The following ZNF439 variants were observed in gnomAD, a reference collection of about 807,000 sequenced individuals.
The protein encoded by ZNF439 is zinc finger protein 439.
A neutral mutation model predicts 47.3 loss-of-function variants in ZNF439; 40 were observed. The ratio of observed to expected loss-of-function variants is 0.85; its 90% confidence interval spans 0.66 to 1.10. The LOEUF is 1.10. ZNF439 is among the 50% of genes least tolerant of loss of function. The pLI, the probability that ZNF439 is intolerant of heterozygous loss-of-function variation, is 0.00. For missense variants in ZNF439, 556 were observed against 601.1 expected (o/e 0.93, Z 0.78); for synonymous variants, 171 against 198.8 (o/e 0.86, Z 1.18).
chr19:11,856,222 T>G (rs1976382549), intron 1 of ZNF439: 1 of 152,176 alleles, frequency 6.6e-6, no homozygotes, highest in African/African-American at 2.4e-5. Context: ...TAAATGTAAT[T>G]TTATTTGAGG....
At position 11,848,759 on chromosome 19, in the gene ZNF439, C is replaced by G; in HGVS notation, c.-109C>G. On this transcript the variant is annotated 5_prime_UTR_variant, in exon 1 of 4. Coordinates refer to ENST00000682736, the MANE Select transcript of ZNF439 (RefSeq NM_001348719.2). ...TCCAGGCACGGAGGATGTTGCATTC[C>G]TGCCGTCACCTTTGTCGCTGCGAGG... The G allele has an allele frequency of 7.8e-7, 1 of 1,279,600 alleles. No homozygotes were observed. Among genetic ancestry groups the G allele is most frequent in the South Asian group, 1.4e-5 (1 of 71,734 alleles). The allele number at this position is 1,279,600 out of a possible 1,614,324, so 79.3% of individuals were successfully genotyped here.
chr19:11,861,705 G>A (rs1381145115), intron 1 of ZNF439, among the ~76,000 whole-genome samples: 1 of 152,182 alleles, frequency 6.6e-6, no homozygotes. Context: ...ACTTCAACAG[G>A]GTGGAACAAT....
At chr19:11,855,027 C>T (rs1332422247) in intron 1 of ZNF439, among the ~76,000 whole-genome samples, 1 of 152,200 alleles carries the variant, frequency 6.6e-6, no homozygotes, top group East Asian at 1.9e-4. Flanking sequence ...TGCTGCCTTC[C>T]ATAACGTCTT....
chr19:11,866,470 A>C, intron 2 of ZNF439, 67 bp from the exon 3 acceptor site: 1 of 1,603,264 alleles, frequency 6.2e-7, no homozygotes, highest in East Asian at 2.2e-5. Context: ...AATCATGGGC[A>C]TAGGTCTAAT....
In ZNF439 at chr19:11,867,228, T is replaced by C. The variant is rs916014963; in HGVS notation, c.252-78T>C. On this transcript the variant is annotated intron_variant, in intron 3 of 3. Transcript: ENST00000682736. ...ACACTTTGATGGAGAGTGTTAAAAA[T>C]GCAAGTACAATACTTGCTGATTAAT... 4 of 1,487,132 alleles carry C rather than the reference T, an allele frequency of 2.7e-6. No homozygotes were observed. The African/African-American group carries it at 5.7e-5, about 21-fold the overall frequency. The allele number at this position is 1,487,132 out of a possible 1,614,324, so 92.1% of individuals were successfully genotyped here.
chr19:11,858,428 T>A (rs933353669), intron 1 of ZNF439: 2 of 145,896 alleles, frequency 1.4e-5, no homozygotes, highest in Non-Finnish European at 3.0e-5. Context: ...ATCGCACCAC[T>A]GCACTCCAGC....
At chr19:11,861,383 G>T (rs955403050) in intron 1 of ZNF439, among the ~76,000 whole-genome samples, 6 of 152,148 alleles carry the variant, frequency 3.9e-5, no homozygotes, top group African/African-American at 1.4e-4. Flanking sequence ...ACTGCCTCGG[G>T]CTGACTCAAG....
intron 1 of ZNF439, among the ~76,000 whole-genome samples, chr19:11,854,054 A>G (rs542520252): frequency 9.9e-5 from 15 of 152,214 alleles, no homozygotes; most frequent in Non-Finnish European, 1.8e-4. Context: ...TTACACAAAT[A>G]TGAGTGGCAT....
In ZNF439 at chr19:11,867,491, G is replaced by T. The variant is rs758112378; in HGVS notation, c.437G>T (p.Gly146Val). The T allele has an allele frequency of 5.0e-6, 8 of 1,614,108 alleles. No individual in the cohort carries two copies. Among genetic ancestry groups the T allele is most frequent in the Non-Finnish European group, 6.8e-6 (8 of 1,180,020 alleles). Reference sequence around the variant, plus strand: ...TCATCTTCTAATATGAACATCAGAGGTGACACTGGACACAAGGCATGTGAA... The same window carrying T: ...TCATCTTCTAATATGAACATCAGAGTTGACACTGGACACAAGGCATGTGAA... ...GNSSSNMNIR[G>V]DTGHKACECQ... is the part of the protein sequence containing the mutation. Residue 146 changes from glycine (G) to valine (V), a missense_variant, in exon 4 of 4, where the codon GGT (glycine) becomes GTT (valine). By Grantham distance (109) the Gly-to-Val change is moderately radical (BLOSUM62 -3). Transcript: ENST00000682736.
At position 11,868,622 on chromosome 19, in the gene ZNF439, G is replaced by GA; in HGVS notation, c.*59dup. ...TTCTGCCAAGTTATTTCAAACACATGAAAAAATTCACACTGGAGAGAAACC... is the reference window on the plus strand; with the variant it reads ...TTCTGCCAAGTTATTTCAAACACATGAAAAAAATTCACACTGGAGAGAAACC... On this transcript the variant is annotated 3_prime_UTR_variant, in exon 4 of 4. Coordinates refer to ENST00000682736, the MANE Select transcript of ZNF439 (RefSeq NM_001348719.2). The GA allele has an allele frequency of 6.4e-7, 1 of 1,552,828 alleles. No individual in the cohort carries two copies. Among genetic ancestry groups the GA allele is most frequent in the Non-Finnish European group, 8.7e-7 (1 of 1,145,472 alleles).
intron 1 of ZNF439, among the ~76,000 whole-genome samples, chr19:11,864,806 T>G (rs1165512516): frequency 1.3e-5 from 2 of 152,126 alleles, no homozygotes; most frequent in Admixed American, 6.5e-5. Flanking sequence ...TTTCTTTTTT[T>G]TTTTTGAGAT....
At chr19:11,862,409 ACTC>A (rs1976562464) in intron 1 of ZNF439, among the ~76,000 whole-genome samples, 1 of 148,932 alleles carries the variant, frequency 6.7e-6, no homozygotes, top group African/African-American at 2.5e-5. Context: ...CAGTGTGAGA[ACTC>A]CTCTATTTTT....
In ZNF439 at chr19:11,851,967, G is replaced by A. The variant is rs111997797; in HGVS notation, c.63+3037G>A. ...CTGGCTAACAACTTAATTTGTTATCGTTTGCTTTTTTCCCCCAGAGCTTGT... is the reference window on the plus strand; with the variant it reads ...CTGGCTAACAACTTAATTTGTTATCATTTGCTTTTTTCCCCCAGAGCTTGT... On this transcript the variant is annotated intron_variant, in intron 1 of 3. Transcript: ENST00000682736. Among the ~76,000 whole-genome samples the A allele has an allele frequency of 3.0e-4, 46 of 152,240 alleles. 1 individual carries two copies. In the East Asian group the frequency reaches 3.9e-3, roughly 13 times the overall value.
Position 11,867,523 on chromosome 19 carries a change from G to T in ZNF439, c.469G>T (p.Glu157Ter). The T allele has an allele frequency of 6.2e-7, 1 of 1,614,144 alleles. No homozygotes were observed. The highest frequency in any genetic ancestry group is 8.5e-7 in the Non-Finnish European group (1 of 1,180,014). ...DTGHKACECQ[E>*]YGPKPWKSQQ... ...TGGACACAAGGCATGTGAATGTCAGGAATATGGACCAAAGCCATGGAAGAG... is the reference window on the plus strand; with the variant it reads ...TGGACACAAGGCATGTGAATGTCAGTAATATGGACCAAAGCCATGGAAGAG... Residue 157 changes from glutamate (E) to a stop codon, truncating the protein, a stop_gained, in exon 4 of 4, where the codon GAA (glutamate) becomes TAA (stop). Transcript: ENST00000682736. LOFTEE classifies it high-confidence loss of function.
chr19:11,853,367 CA>C (rs1472471877), intron 1 of ZNF439, among the ~76,000 whole-genome samples: 2 of 152,158 alleles, frequency 1.3e-5, no homozygotes, highest in East Asian at 1.9e-4. Context: ...AACAAGGGGT[CA>C]GGGGGCTTCT....
intron 1 of ZNF439, among the ~76,000 whole-genome samples, chr19:11,859,767 A>G (rs1317534361): frequency 6.6e-6 from 1 of 152,184 alleles, no homozygotes; most frequent in Non-Finnish European, 1.5e-5. Flanking sequence ...CTGCTACCGA[A>G]GGAGGCAGTA....
chr19:11,859,938 C>T (rs796108502), intron 1 of ZNF439, among the ~76,000 whole-genome samples: 20 of 152,210 alleles, frequency 1.3e-4, no homozygotes, highest in African/African-American at 2.6e-4. Context: ...AAGGAGATAA[C>T]GGCAGAAGGA....
chr19:11,853,588 G>A (rs1976308725), intron 1 of ZNF439, among the ~76,000 whole-genome samples: 1 of 152,144 alleles, frequency 6.6e-6, no homozygotes, highest in Admixed American at 6.5e-5. Context: ...TATACCTTCT[G>A]GCAGCAGAAG....
chr19:11,867,761 T>C lies in ZNF439; in HGVS notation c.707T>C (p.Ile236Thr). 6.2e-7 allele frequency: 1 copy of C among 1,614,148 alleles called. No individual in the cohort carries two copies. Among genetic ancestry groups the C allele is most frequent in the Non-Finnish European group, 8.5e-7 (1 of 1,180,014 alleles). ...TTCCATTGTCTCAGTTTATATCTTA[T>C]CCATGAAAGAACTCACACTGGAGAG... The part of the protein sequence containing the change: ...KAFHCLSLYL[I>T]HERTHTGEKP... The change falls in exon 4 of 4, where the codon ATC (isoleucine) becomes ACC (threonine). Residue 236 changes from isoleucine (I) to threonine (T), a missense_variant. Ile to Thr is a moderately conservative substitution (Grantham distance 89). Coordinates refer to ENST00000682736, the MANE Select transcript of ZNF439 (RefSeq NM_001348719.2).
Sources: gnomAD v4.1 joint callset for allele counts (sites outside exome capture counted in the v4.1 genomes callset) on GRCh38, gnomAD v4.1.1 for gene constraint, MANE v1.5 for transcripts, NCBI Gene and HGNC (gene_info 2026-07-23, HGNC 2026-07-21) for gene names.